The following DHX8 variants were observed in gnomAD, a reference collection of about 807,000 sequenced individuals.
DHX8 encodes DEAH-box helicase 8.
DHX8 carries 67 observed loss-of-function variants against 140.7 expected under a neutral mutation model. That is an observed-to-expected ratio of 0.48 (90% CI 0.39 to 0.58). The LOEUF (loss-of-function observed/expected upper bound fraction) is 0.58. Ranked by LOEUF, DHX8 falls within the 20% of genes least tolerant of loss-of-function variation. DHX8 has a pLI of 0.00. For synonymous variants in DHX8, 533 were observed against 553.2 expected (o/e 0.96, Z 0.51); for missense variants, 887 against 1,550.7 (o/e 0.57, Z 7.19).
At chr17:43,529,814 G>A (rs554127438), downstream of DHX8, 19 of 1,598,764 alleles carry the variant, frequency 1.2e-5, no homozygotes, top group South Asian at 1.2e-4. Flanking sequence ...ACAATGAAAC[G>A]TGATGTGACT....
chr17:43,505,844 C>T (rs1318569447), intron 12 of DHX8, among the ~76,000 whole-genome samples: 1 of 151,880 alleles, frequency 6.6e-6, no homozygotes, highest in Non-Finnish European at 1.5e-5. Flanking sequence ...CTAGTGAATC[C>T]TTTCAACAAT....
At chr17:43,501,287 C>T (rs1185733856) in intron 11 of DHX8, among the ~76,000 whole-genome samples, 1 of 151,898 alleles carries the variant, frequency 6.6e-6, no homozygotes, top group African/African-American at 2.4e-5. Context: ...TATGTTCCAG[C>T]CTGAGGAGTA....
chr17:43,521,352 G>A lies in DHX8; in HGVS notation c.3067-17G>A. The A allele has an allele frequency of 6.2e-7, 1 of 1,601,212 alleles. No individual in the cohort carries two copies. Among genetic ancestry groups the A allele is most frequent in the Non-Finnish European group, 8.5e-7 (1 of 1,172,444 alleles). On this transcript the variant is annotated splice_polypyrimidine_tract_variant and intron_variant, in intron 20 of 22. Coordinates refer to ENST00000262415, the MANE Select transcript of DHX8 (RefSeq NM_004941.3). ...GCTGTTGAGTCGGAAATGTTCCTCT[G>A]TCCCACTGCTTGGCAGGATAAACAA... is the stretch of plus-strand genomic sequence containing the variant.
rs753445049 is a variant in DHX8, at chr17:43,521,461, G to A, written c.3159G>A (p.Lys1053=). The change falls in exon 21 of 23, where the codon AAG becomes AAA. Residue 1053 remains lysine, a synonymous_variant. Transcript: ENST00000262415. ...LTLLAVYNSW[K]NNKFSNPWCY... is the part of the protein sequence containing the mutation. Reference sequence around the variant, plus strand: ...TGCTAGCTGTGTACAACTCCTGGAAGAACAACAAGTTCTCCAACCCATGGT... The same window carrying A: ...TGCTAGCTGTGTACAACTCCTGGAAAAACAACAAGTTCTCCAACCCATGGT... 4.3e-6 allele frequency: 7 copies of A among 1,613,956 alleles called. No homozygotes were observed. In the South Asian group the frequency reaches 5.5e-5, roughly 13 times the overall value.
intron 8 of DHX8, among the ~76,000 whole-genome samples, chr17:43,494,577 C>T (rs919043363): frequency 3.3e-5 from 5 of 151,564 alleles, no homozygotes; most frequent in South Asian, 2.1e-4. Context: ...AAAAATTAGC[C>T]GGGCGTCATG....
intron 21 of DHX8, 53 bp downstream of exon 21, chr17:43,521,618 C>A: frequency 6.5e-7 from 1 of 1,527,276 alleles, no homozygotes; most frequent in South Asian, 1.2e-5. Flanking sequence ...CCTTGAGTAT[C>A]ATGTCTTTTC....
chr17:43,537,705 A>G (rs1482121529), intron 3 of DHX8, among the ~76,000 whole-genome samples: 2 of 150,968 alleles, frequency 1.3e-5, no homozygotes, highest in African/African-American at 2.4e-5. Context: ...CAAAAAATGA[A>G]AAATAAAGGC....
At chr17:43,535,496 C>G (rs1354666578) in intron 2 of DHX8, among the ~76,000 whole-genome samples, 5 of 152,122 alleles carry the variant, frequency 3.3e-5, no homozygotes, top group African/African-American at 1.2e-4. Context: ...AGGTTGGTCT[C>G]AAACTCCTGA....
In DHX8 at chr17:43,525,199, G is replaced by A; in HGVS notation, c.*1352G>A. On this transcript the variant is annotated 3_prime_UTR_variant, in exon 23 of 23. Transcript: ENST00000262415. Reference sequence around the variant, plus strand: ...ATGTAGTGCTTGTAGAGAAGCTTCTGAGAGATTGGGCACATCCTGTTACGT... The same window carrying A: ...ATGTAGTGCTTGTAGAGAAGCTTCTAAGAGATTGGGCACATCCTGTTACGT... The A allele has an allele frequency of 1.0e-6, 1 of 985,444 alleles. No individual in the cohort carries two copies. Among genetic ancestry groups the A allele is most frequent in the Non-Finnish European group, 1.2e-6 (1 of 829,952 alleles). 61.0% of individuals were successfully genotyped at this position (985,444 alleles called of 1,614,324 possible).
At chr17:43,488,622 AAAG>A (rs1043216180) in intron 1 of DHX8, among the ~76,000 whole-genome samples, 5 of 151,992 alleles carry the variant, frequency 3.3e-5, no homozygotes, top group South Asian at 2.1e-4. Flanking sequence ...AAAAAAAAAA[AAAG>A]AAGAACTAGG....
At chr17:43,519,871 G>T (rs939144196) in intron 18 of DHX8, 1 of 329,062 alleles carries the variant, frequency 3.0e-6, no homozygotes, top group Non-Finnish European at 5.6e-6. Flanking sequence ...AACGTAGGAG[G>T]TGGAGGTTGC....
chr17:43,494,337 G>A (rs150751548), intron 8 of DHX8, among the ~76,000 whole-genome samples: 38 of 152,250 alleles, frequency 2.5e-4, no homozygotes, highest in Non-Finnish European at 1.2e-4. Flanking sequence ...CCACTTATTA[G>A]CCGTGTAATC....
intron 3 of DHX8, 92 bp from the exon 4 acceptor site, chr17:43,491,073 C>T (rs912561892): frequency 3.8e-6 from 2 of 520,024 alleles, no homozygotes; most frequent in Non-Finnish European, 6.4e-6. Context: ...CAGTTTGATA[C>T]AAATCTATTG....
intron 1 of DHX8, among the ~76,000 whole-genome samples, chr17:43,485,021 C>G (rs557945294): frequency 9.2e-5 from 14 of 152,286 alleles, no homozygotes; most frequent in African/African-American, 3.4e-4. Context: ...TTAGAAAAGG[C>G]TAGGGTCCTA....
intron 3 of DHX8, among the ~76,000 whole-genome samples, chr17:43,540,679 T>C (rs911057101): frequency 6.6e-6 from 1 of 152,102 alleles, no homozygotes; most frequent in African/African-American, 2.4e-5. Context: ...ACCTTAAAAA[T>C]AGGCACATTT....
Position 43,493,571 on chromosome 17 carries a change from G to A in DHX8, c.990G>A (p.Lys330=), listed in dbSNP as rs1204800318. Residue 330 remains lysine (K), a synonymous_variant, in exon 7 of 23, where the codon AAG becomes AAA. Transcript: ENST00000262415. ...AAGTGCTGTCCTTCACTGGGACCAA[G>A]ACCAGCCTGAGCATGAAGGTAGGTG... ...KVKVLSFTGT[K]TSLSMKDVDQ... 4 of 1,614,064 alleles carry A rather than the reference G, an allele frequency of 2.5e-6. No homozygotes were observed. The highest frequency in any genetic ancestry group is 3.4e-6 in the Non-Finnish European group (4 of 1,180,056).
intron 3 of DHX8, among the ~76,000 whole-genome samples, chr17:43,536,876 G>C (rs981090559): frequency 2.6e-5 from 4 of 152,234 alleles, no homozygotes; most frequent in Non-Finnish European, 5.9e-5. Flanking sequence ...AGACCCAGGA[G>C]GGAAGACTGT....
At chr17:43,526,627 A>G (rs1970628521), downstream of DHX8, 1 of 1,535,148 alleles carries the variant, frequency 6.5e-7, no homozygotes, top group Non-Finnish European at 8.7e-7. Flanking sequence ...GAGGGCCATC[A>G]TCTCAGCTTG....
At chr17:43,536,116 G>A (rs548403802) in intron 2 of DHX8, among the ~76,000 whole-genome samples, 45 of 143,218 alleles carry the variant, frequency 3.1e-4, no homozygotes, top group African/African-American at 1.1e-3. Context: ...GTCTTGGGGG[G>A]AAAACAAACA....
Sources: allele counts gnomAD v4.1 joint callset (sites outside exome capture counted in the v4.1 genomes callset), GRCh38; gene constraint gnomAD v4.1.1; transcripts MANE v1.5; gene names NCBI Gene and HGNC (gene_info 2026-07-23, HGNC 2026-07-21).